Variants in GRIP1 observed in about 807,000 individuals in gnomAD.
GRIP1 encodes the protein glutamate receptor interacting protein 1, also known as glutamate receptor-interacting protein 1.
In GRIP1, 45 loss-of-function variants were observed where a neutral mutation model predicts 129.9. That is an observed-to-expected ratio of 0.35 (90% CI 0.27 to 0.44). GRIP1 has a LOEUF of 0.44. GRIP1 is among the 20% of genes least tolerant of loss of function. The pLI is 1.00. For missense variants in GRIP1, 1,196 were observed against 1,396.8 expected (o/e 0.86, Z 2.29); for synonymous variants, 530 against 520.8 (o/e 1.02, Z -0.24).
intron 1 of GRIP1, among the ~76,000 whole-genome samples, chr12:66,905,751 A>C (rs553278468): frequency 1.3e-5 from 2 of 152,328 alleles, no homozygotes; most frequent in African/African-American, 4.8e-5. Context: ...TGACAGACTA[A>C]GTTTAGAATG....
At chr12:67,004,189 CT>C (rs1486899565) in intron 1 of GRIP1, among the ~76,000 whole-genome samples, 9 of 152,172 alleles carry the variant, frequency 5.9e-5, no homozygotes, top group Non-Finnish European at 1.2e-4. Flanking sequence ...TGAATTAGGA[CT>C]TGATCTCTTT....
intron 1 of GRIP1, among the ~76,000 whole-genome samples, chr12:66,911,487 T>A (rs1322523905): frequency 1.3e-5 from 2 of 152,132 alleles, no homozygotes; most frequent in Non-Finnish European, 2.9e-5. Context: ...CCTTTGTTTA[T>A]AATTATTATA....
At chr12:66,694,177 G>A (rs908604572) in intron 1 of GRIP1, among the ~76,000 whole-genome samples, 1 of 152,194 alleles carries the variant, frequency 6.6e-6, no homozygotes, top group African/African-American at 2.4e-5. Flanking sequence ...AGGGGTCCTT[G>A]AGGAGTGCAC....
At chr12:67,042,894 T>C (rs1226929263) in intron 1 of GRIP1, among the ~76,000 whole-genome samples, 1 of 152,222 alleles carries the variant, frequency 6.6e-6, no homozygotes, top group African/African-American at 2.4e-5. Flanking sequence ...AGGAGCATAA[T>C]ACATCTTCCA....
intron 1 of GRIP1, among the ~76,000 whole-genome samples, chr12:66,748,347 G>A (rs2037018253): frequency 1.3e-5 from 2 of 152,134 alleles, no homozygotes; most frequent in African/African-American, 4.8e-5. Context: ...TTTAGAGTCT[G>A]GGTGCAAATC....
chr12:66,794,959 T>C (rs2038653193), intron 1 of GRIP1, among the ~76,000 whole-genome samples: 1 of 152,284 alleles, frequency 6.6e-6, no homozygotes, highest in East Asian at 1.9e-4. Context: ...TGTAAATCCA[T>C]AAAGTGGAAA....
intron 1 of GRIP1, among the ~76,000 whole-genome samples, chr12:66,903,338 T>A (rs2040874610): frequency 6.6e-6 from 1 of 150,726 alleles, no homozygotes; most frequent in African/African-American, 2.4e-5. Flanking sequence ...TGTATGGCAA[T>A]ACTTCAAGAG....
At chr12:66,398,514 T>C (rs983300265) in intron 16 of GRIP1, among the ~76,000 whole-genome samples, 3 of 152,008 alleles carry the variant, frequency 2.0e-5, no homozygotes, top group Non-Finnish European at 4.4e-5. Flanking sequence ...ATTTCTACTT[T>C]TACTTTAAAG....
At chr12:66,532,631 A>G (rs2061493235) in intron 4 of GRIP1, among the ~76,000 whole-genome samples, 1 of 152,146 alleles carries the variant, frequency 6.6e-6, no homozygotes, top group African/African-American at 2.4e-5. Context: ...TTGCACTTAC[A>G]TGGTTGTGCT....
intron 1 of GRIP1, among the ~76,000 whole-genome samples, chr12:66,605,066 C>CATATATAT (rs34122251): frequency 2.7e-5 from 4 of 146,908 alleles, no homozygotes; most frequent in Non-Finnish European, 6.0e-5. Context: ...TATATATATA[C>CATATATAT]ATATATATAT....
At position 66,347,651 on chromosome 12, in the gene GRIP1, G is replaced by GATC. The variant is rs1291694119; in HGVS notation, c.*1365_*1367dup. On this transcript the variant is annotated 3_prime_UTR_variant, in exon 25 of 25. Coordinates refer to ENST00000359742, the MANE Select transcript of GRIP1 (RefSeq NM_001366722.1). Reference sequence around the variant, plus strand: ...AAAAATACATATTTAAGTGACTCATGATCTTTTTTTCTTTTTTCTTAACAT... The same window carrying GATC: ...AAAAATACATATTTAAGTGACTCATGATCATCTTTTTTTCTTTTTTCTTAACAT... 2 of 152,136 alleles carry GATC rather than the reference G, an allele frequency of 1.3e-5. No individual in the cohort carries two copies. The highest frequency in any genetic ancestry group is 6.5e-5 in the Admixed American group (1 of 15,276). The allele number at this position is 152,136 out of a possible 1,614,324, so 9.4% of individuals were successfully genotyped here. A position where few individuals can be genotyped will look rare whatever the true frequency, so the allele number is the denominator to read the frequency against.
chr12:67,064,099 A>T lies in GRIP1; in HGVS notation c.58+4951T>A, dbSNP rs2043581721. Among the ~76,000 whole-genome samples the T allele has an allele frequency of 3.3e-5, 5 of 152,232 alleles. No homozygotes were observed. In the South Asian group the frequency reaches 1.0e-3, roughly 32 times the overall value. On this transcript the variant is annotated intron_variant, in intron 1 of 1. Transcript: ENST00000643019. ...AAATGAGTTACTTAAAATGTAGTCAAATAATTCAACTTAAAAATATGTTGA... is the reference window on the plus strand; with the variant it reads ...AAATGAGTTACTTAAAATGTAGTCATATAATTCAACTTAAAAATATGTTGA...
intron 7 of GRIP1, among the ~76,000 whole-genome samples, chr12:66,470,113 T>C (rs938259440): frequency 6.6e-6 from 1 of 152,162 alleles, no homozygotes; most frequent in Non-Finnish European, 1.5e-5. Flanking sequence ...CCCCACATCC[T>C]CTCATGCCCT....
intron 1 of GRIP1, among the ~76,000 whole-genome samples, chr12:66,764,783 CT>C (rs58236708): frequency 0.055 from 8,336 of 152,222 alleles, 398 homozygotes; most frequent in East Asian, 0.18. Flanking sequence ...GCAAAGCCCC[CT>C]ATCTCTTGTC....
intron 1 of GRIP1, among the ~76,000 whole-genome samples, chr12:66,906,088 T>C (rs1176119859): frequency 2.0e-5 from 3 of 152,178 alleles, no homozygotes; most frequent in African/African-American, 7.2e-5. Context: ...AATAAAAATT[T>C]TAATTTCAAA....
At chr12:66,868,778 G>A (rs576967794) in intron 1 of GRIP1, among the ~76,000 whole-genome samples, 5 of 152,116 alleles carry the variant, frequency 3.3e-5, no homozygotes, top group South Asian at 4.1e-4. Flanking sequence ...TGATGTTCTC[G>A]GTCTAATTGA....
At chr12:66,607,278 A>T (rs908133148) in intron 1 of GRIP1, among the ~76,000 whole-genome samples, 12 of 152,210 alleles carry the variant, frequency 7.9e-5, no homozygotes, top group African/African-American at 2.9e-4. Context: ...GCACATAAAC[A>T]AATCACTTGA....
chr12:66,401,621 C>CTGT (rs2057003627), intron 16 of GRIP1, among the ~76,000 whole-genome samples: 1 of 91,604 alleles, frequency 1.1e-5, no homozygotes, highest in Non-Finnish European at 2.2e-5. Context: ...CACACACACA[C>CTGT]ACACACACAC....
At position 66,541,910 on chromosome 12, in the gene GRIP1, C is replaced by T. The variant is rs1356995013; in HGVS notation, c.177G>A (p.Lys59=). The T allele has an allele frequency of 1.2e-6, 2 of 1,613,830 alleles. No individual in the cohort carries two copies. Among genetic ancestry groups the T allele is most frequent in the Non-Finnish European group, 1.7e-6 (2 of 1,179,838 alleles). ...KGSTVVELMK[K]EGTTLGLTVS... is the part of the protein sequence containing the mutation. Reference sequence around the variant, plus strand: ...CCGTCAGACCCAGGGTAGTGCCTTCCTTCTTCATCAGCTCGACGACTGTGG... The same window carrying T: ...CCGTCAGACCCAGGGTAGTGCCTTCTTTCTTCATCAGCTCGACGACTGTGG... The change falls in exon 3 of 25, where the codon AAG becomes AAA. Residue 59 remains lysine, a synonymous_variant. Coordinates refer to ENST00000359742, the MANE Select transcript of GRIP1 (RefSeq NM_001366722.1).
Sources: gnomAD v4.1 joint callset for allele counts (sites outside exome capture counted in the v4.1 genomes callset) on GRCh38, gnomAD v4.1.1 for gene constraint, MANE v1.5 for transcripts, NCBI Gene and HGNC (gene_info 2026-07-23, HGNC 2026-07-21) for gene names.